The following CCN5 variants were observed in gnomAD, a reference collection of about 807,000 sequenced individuals.
CCN5 encodes cellular communication network factor 5.
CCN5 carries 17 observed loss-of-function variants against 18.7 expected under a neutral mutation model. The observed-to-expected ratio is 0.91, with a 90% CI of 0.62 to 1.36. CCN5 has a LOEUF of 1.36. Among genes scored for constraint, CCN5 ranks in the 40% most tolerant of loss-of-function variants. The pLI is 0.00. For synonymous variants in CCN5, 135 were observed against 145.2 expected (o/e 0.93, Z 0.50); for missense variants, 367 against 342.9 (o/e 1.07, Z -0.56).
upstream of CCN5, chr20:44,715,154 A>T (rs1657336422): frequency 1.9e-6 from 1 of 531,230 alleles, no homozygotes; most frequent in African/African-American, 2.0e-5. Context: ...TCACAGTTTC[A>T]CCTTCAGGTA....
rs748331122 is a variant in CCN5 at position 44,719,996 on chromosome 20, C to T, written c.160C>T (p.Arg54Trp). ...PLVLDGCGCC[R>W]VCARRLGEPC... ...GGTGCTGGATGGCTGTGGCTGCTGC[C>T]GGGTATGTGCACGGCGGCTGGGGGA... is the stretch of plus-strand genomic sequence containing the variant. Residue 54 changes from arginine to tryptophan, a missense_variant, in exon 2 of 4, where the codon CGG becomes TGG. Coordinates refer to ENST00000190983, the MANE Select transcript of CCN5 (RefSeq NM_003881.4). 19 of 1,612,168 alleles carry T rather than the reference C, an allele frequency of 1.2e-5. No individual in the cohort carries two copies. The highest frequency in any genetic ancestry group is 1.2e-4 in the Admixed American group (7 of 59,916).
rs557454332 is a variant in CCN5 at position 44,727,162 on chromosome 20, C to T, written c.608C>T (p.Pro203Leu). The change falls in exon 4 of 4, where the codon CCC becomes CTC. Residue 203 changes from proline (P) to leucine (L), a missense_variant. By Grantham distance (98) the Pro-to-Leu change is moderately conservative. Transcript: ENST00000190983. Reference sequence around the variant, plus strand: ...CCAGAATGGAGCACGGCCTGGGGACCCTGCTCGACCACCTGTGGGCTGGGC... The same window carrying T: ...CCAGAATGGAGCACGGCCTGGGGACTCTGCTCGACCACCTGTGGGCTGGGC... Reference protein sequence around the residue: ...PCPEWSTAWGPCSTTCGLGMA... With the variant: ...PCPEWSTAWGLCSTTCGLGMA... The T allele has an allele frequency of 6.2e-7, 1 of 1,613,812 alleles. No individual in the cohort carries two copies. Among genetic ancestry groups the T allele is most frequent in the Admixed American group, 1.7e-5 (1 of 60,010 alleles).
Position 44,724,733 on chromosome 20 carries a change from C to T in CCN5, c.278-5C>T. Reference sequence around the variant, plus strand: ...ACCGATGGGGGTGCGGTTTTTCCTCCGCAGTGGCAGAGGACGACAGCAGCT... The same window carrying T: ...ACCGATGGGGGTGCGGTTTTTCCTCTGCAGTGGCAGAGGACGACAGCAGCT... On this transcript the variant is annotated splice_polypyrimidine_tract_variant and splice_region_variant and intron_variant, in intron 2 of 3. Coordinates refer to ENST00000190983, the MANE Select transcript of CCN5 (RefSeq NM_003881.4). 1 of 1,612,398 alleles carries T rather than the reference C, an allele frequency of 6.2e-7. No individual in the cohort carries two copies. The highest frequency in any genetic ancestry group is 8.5e-7 in the Non-Finnish European group (1 of 1,179,686).
intron 1 of CCN5, among the ~76,000 whole-genome samples, chr20:44,716,978 C>A (rs892298778): frequency 6.6e-6 from 1 of 152,202 alleles, no homozygotes; most frequent in Non-Finnish European, 1.5e-5. Context: ...GAACTTGAAT[C>A]TCAACTCTTG....
intron 2 of CCN5, chr20:44,721,638 T>C (rs910149211): frequency 6.6e-6 from 1 of 152,076 alleles, no homozygotes; most frequent in Non-Finnish European, 1.5e-5. Flanking sequence ...AAAATGTATC[T>C]GAAGAACAAT....
At position 44,724,432 on chromosome 20, in the gene CCN5, C is replaced by T. The variant is rs2065920777; in HGVS notation, c.278-306C>T. On this transcript the variant is annotated intron_variant, in intron 2 of 3. Coordinates refer to ENST00000190983, the MANE Select transcript of CCN5 (RefSeq NM_003881.4). ...CTGGAAAATAAGTACCATTATATCC[C>T]AGCTTGCAAATGTGGAAACTGAGGC... The T allele has an allele frequency of 2.6e-5, 12 of 454,248 alleles. No homozygotes were observed. The South Asian group carries it at 3.1e-4, about 12-fold the overall frequency. 28.1% of individuals were successfully genotyped at this position (454,248 alleles called of 1,614,324 possible).
At chr20:44,715,078 T>C, upstream of CCN5, 1 of 302,106 alleles carries the variant, frequency 3.3e-6, no homozygotes, top group South Asian at 3.8e-5. Context: ...TGGCTCAGGC[T>C]TTCACACACA....
At chr20:44,715,082 A>ACACACACACACGCG (rs2065845808), upstream of CCN5, 1 of 285,138 alleles carries the variant, frequency 3.5e-6, no homozygotes, top group Non-Finnish European at 6.7e-6. Flanking sequence ...TCAGGCTTTC[A>ACACACACACACGCG]CACACACACA....
intron 3 of CCN5, 51 bp downstream of exon 3, chr20:44,725,043 G>C (rs1201720454): frequency 1.4e-6 from 2 of 1,466,294 alleles, no homozygotes; most frequent in Non-Finnish European, 1.8e-6. Context: ...GGGGCGCCAA[G>C]GGCCACCTAG....
chr20:44,717,531 G>A (rs971336994), intron 1 of CCN5, among the ~76,000 whole-genome samples: 4 of 152,156 alleles, frequency 2.6e-5, no homozygotes, highest in Non-Finnish European at 4.4e-5. Context: ...GACTTAGAAG[G>A]GAACCCAAAA....
chr20:44,725,952 C>G (rs1944646210), intron 3 of CCN5, among the ~76,000 whole-genome samples: 1 of 152,196 alleles, frequency 6.6e-6, no homozygotes, highest in South Asian at 2.1e-4. Context: ...ATAAATGCTG[C>G]TGCCACCCAC....
chr20:44,718,615 C>T (rs1048430331), intron 1 of CCN5, among the ~76,000 whole-genome samples: 1 of 152,174 alleles, frequency 6.6e-6, no homozygotes. Context: ...GGCTGATACC[C>T]TGATCCTGTC....
rs770160344 is a variant in CCN5, at chr20:44,724,780, A to G, written c.320A>G (p.Tyr107Cys). 1 of 1,612,836 alleles carries G rather than the reference A, an allele frequency of 6.2e-7. No individual in the cohort carries two copies. The highest frequency in any genetic ancestry group is 2.2e-5 in the East Asian group (1 of 44,884). The stretch of plus-strand genomic sequence containing the variant: ...AGCTGTGAGGTGAACGGCCGCCTGT[A>G]TCGGGAAGGGGAGACCTTCCAGCCC... Reference protein sequence around the residue: ...DSSCEVNGRLYREGETFQPHC... With the variant: ...DSSCEVNGRLCREGETFQPHC... Residue 107 changes from tyrosine to cysteine, a missense_variant, in exon 3 of 4, where the codon TAT becomes TGT. By Grantham distance (194) the Tyr-to-Cys change is radical. Transcript: ENST00000190983.
intron 3 of CCN5, among the ~76,000 whole-genome samples, chr20:44,725,664 A>C: frequency 6.6e-6 from 1 of 151,582 alleles, no homozygotes; most frequent in East Asian, 1.9e-4. Flanking sequence ...ATATAATATT[A>C]TCGTATTTAT....
intron 3 of CCN5, among the ~76,000 whole-genome samples, chr20:44,725,867 T>C (rs779532100): frequency 1.3e-5 from 2 of 152,194 alleles, no homozygotes; most frequent in Non-Finnish European, 2.9e-5. Flanking sequence ...TTGTTGTTGC[T>C]GTGTTGCTTT....
Position 44,719,932 on chromosome 20 carries a change from C to T in CCN5, c.96C>T (p.Cys32=), listed in dbSNP as rs1356965124. The change falls in exon 2 of 4, where the codon TGC becomes TGT. Residue 32 remains cysteine (C), a synonymous_variant. Transcript: ENST00000190983. ...AGCTGTGCCCGACACCATGTACCTG[C>T]CCCTGGCCACCTCCCCGATGCCCGC... ...RTQLCPTPCT[C]PWPPPRCPLG... is the part of the protein sequence containing the mutation. 3 of 1,613,812 alleles carry T rather than the reference C, an allele frequency of 1.9e-6. No individual in the cohort carries two copies. The highest frequency in any genetic ancestry group is 1.3e-5 in the African/African-American group (1 of 74,932).
intron 3 of CCN5, among the ~76,000 whole-genome samples, chr20:44,726,358 A>G (rs1473434925): frequency 6.6e-6 from 1 of 152,230 alleles, no homozygotes; most frequent in African/African-American, 2.4e-5. Flanking sequence ...CTACACATAC[A>G]CATGCATACA....
intron 1 of CCN5, among the ~76,000 whole-genome samples, chr20:44,715,673 G>A (rs1456035403): frequency 1.3e-5 from 2 of 152,140 alleles, no homozygotes; most frequent in African/African-American, 4.8e-5. Flanking sequence ...GCCTTCTCTG[G>A]GCCTCAGCAT....
At chr20:44,721,844 G>C (rs2065902285) in intron 2 of CCN5, among the ~76,000 whole-genome samples, 1 of 152,118 alleles carries the variant, frequency 6.6e-6, no homozygotes, top group African/African-American at 2.4e-5. Context: ...GGAAAAAAGG[G>C]GTACAGAGAG....
Sources: gnomAD v4.1 joint callset for allele counts (sites outside exome capture counted in the v4.1 genomes callset) on GRCh38, gnomAD v4.1.1 for gene constraint, MANE v1.5 for transcripts, NCBI Gene and HGNC (gene_info 2026-07-23, HGNC 2026-07-21) for gene names.